Variants in PKNOX2 observed in about 807,000 individuals in gnomAD.
The protein encoded by PKNOX2 is PBX/knotted 1 homeobox 2.
Under a neutral mutation model 53.1 loss-of-function variants are expected in PKNOX2, and 14 were observed. The observed-to-expected ratio is 0.26, with a 90% CI of 0.17 to 0.41. The LOEUF (loss-of-function observed/expected upper bound fraction) is 0.41. Ranked by LOEUF, PKNOX2 falls within the 10% of genes least tolerant of loss-of-function variation. PKNOX2 has a pLI of 1.00. For missense variants in PKNOX2, 496 were observed against 602.8 expected (o/e 0.82, Z 1.85); for synonymous variants, 257 against 242.8 (o/e 1.06, Z -0.54).
At chr11:125,255,674 G>C (rs1429694197) in intron 2 of PKNOX2, among the ~76,000 whole-genome samples, 1 of 151,950 alleles carries the variant, frequency 6.6e-6, no homozygotes, top group Non-Finnish European at 1.5e-5. Context: ...CAAGTCACAT[G>C]CGGGGTGACG....
chr11:125,214,115 T>C (rs1245592175), intron 1 of PKNOX2, among the ~76,000 whole-genome samples: 10 of 152,068 alleles, frequency 6.6e-5, no homozygotes. Flanking sequence ...GTTAGCAAAT[T>C]GTATCATGGG....
At chr11:125,411,514 C>CCA (rs1565519936) in intron 9 of PKNOX2, 12 of 495,034 alleles carry the variant, frequency 2.4e-5, no homozygotes, top group Non-Finnish European at 7.5e-6. Context: ...CTCTCTCCCC[C>CCA]CCTTCCCCAT....
chr11:125,345,560 G>A (rs554503902), intron 3 of PKNOX2, among the ~76,000 whole-genome samples: 15 of 152,198 alleles, frequency 9.9e-5, no homozygotes, highest in East Asian at 1.9e-4. Context: ...GTGTGTGCTC[G>A]CGTGCACCCA....
At position 125,398,011 on chromosome 11, in the gene PKNOX2, T is replaced by C. The variant is rs1274198983; in HGVS notation, c.537T>C (p.Asp179=). The C allele has an allele frequency of 5.6e-6, 9 of 1,613,826 alleles. No homozygotes were observed. Among genetic ancestry groups the C allele is most frequent in the Non-Finnish European group, 7.6e-6 (9 of 1,179,918 alleles). Residue 179 remains aspartate, a synonymous_variant, in exon 7 of 13, where the codon GAT becomes GAC. Transcript: ENST00000298282. ...KMHSDNLLRN[D]LGGPYSPNQP... ...ACAGCGACAACCTGCTCAGGAATGA[T>C]CTAGGGGGGCCCTACTCCCCCAACC...
intron 2 of PKNOX2, among the ~76,000 whole-genome samples, chr11:125,300,093 G>A (rs973354358): frequency 2.0e-5 from 3 of 152,224 alleles, no homozygotes; most frequent in Non-Finnish European, 2.9e-5. Flanking sequence ...TCTGGCCTTC[G>A]GGGCCGTGTG....
At chr11:125,349,837 T>TCACA (rs60332384) in intron 3 of PKNOX2, among the ~76,000 whole-genome samples, 32,699 of 137,902 alleles carry the variant, frequency 0.24, 4,015 homozygotes, top group East Asian at 0.48. Context: ...ACCAAAAGAA[T>TCACA]CACACACACA....
intron 5 of PKNOX2, among the ~76,000 whole-genome samples, chr11:125,371,216 G>A (rs374096182): frequency 3.3e-5 from 5 of 152,244 alleles, no homozygotes; most frequent in African/African-American, 7.2e-5. Context: ...AGTCTAATCC[G>A]AGCAGATCCC....
intron 9 of PKNOX2, 39 bp from the exon 10 acceptor site, chr11:125,411,707 A>G (rs1413873486): frequency 6.2e-7 from 1 of 1,613,238 alleles, no homozygotes; most frequent in African/African-American, 1.3e-5. Context: ...CTGCCCTCAC[A>G]GGCTGCTGAT....
At chr11:125,397,504 A>T (rs1954480933) in intron 6 of PKNOX2, among the ~76,000 whole-genome samples, 1 of 152,230 alleles carries the variant, frequency 6.6e-6, no homozygotes, top group Non-Finnish European at 1.5e-5. Context: ...CCACTAAGGC[A>T]CAGAGAGCTT....
chr11:125,167,088 G>A (rs571365155), intron 1 of PKNOX2, among the ~76,000 whole-genome samples: 1 of 151,740 alleles, frequency 6.6e-6, no homozygotes, highest in South Asian at 2.1e-4. Context: ...TCCCACTCGG[G>A]CTGCATCCCC....
At chr11:125,276,483 G>T (rs1264559798) in intron 2 of PKNOX2, among the ~76,000 whole-genome samples, 3 of 152,176 alleles carry the variant, frequency 2.0e-5, no homozygotes, top group African/African-American at 2.4e-5. Flanking sequence ...CCCAGTGAAG[G>T]TATTGACCTT....
intron 2 of PKNOX2, among the ~76,000 whole-genome samples, chr11:125,305,901 G>C (rs994501120): frequency 1.3e-5 from 2 of 152,172 alleles, no homozygotes; most frequent in Admixed American, 6.5e-5. Flanking sequence ...ACCAAAGATC[G>C]TTATTTTTGA....
At chr11:125,239,800 C>T (rs964002218) in intron 2 of PKNOX2, 17 of 152,296 alleles carry the variant, frequency 1.1e-4, no homozygotes, top group African/African-American at 4.1e-4. Context: ...TGGCCCCAGC[C>T]TCCAGGTTCT....
chr11:125,248,409 T>C (rs1449279453), intron 2 of PKNOX2, among the ~76,000 whole-genome samples: 1 of 152,122 alleles, frequency 6.6e-6, no homozygotes, highest in African/African-American at 2.4e-5. Context: ...AGGCAAAGCC[T>C]CCAAAACAGA....
At chr11:125,341,190 T>C (rs1223813490) in intron 3 of PKNOX2, among the ~76,000 whole-genome samples, 1 of 151,388 alleles carries the variant, frequency 6.6e-6, no homozygotes, top group African/African-American at 2.4e-5. Flanking sequence ...AACCCCTCTT[T>C]ACTAAAAATA....
intron 3 of PKNOX2, among the ~76,000 whole-genome samples, chr11:125,348,078 A>G (rs1186058910): frequency 6.6e-6 from 1 of 152,144 alleles, no homozygotes; most frequent in African/African-American, 2.4e-5. Flanking sequence ...AAGAAAATGC[A>G]AAAAGGGCAG....
At chr11:125,203,276 A>T (rs1404615826) in intron 1 of PKNOX2, among the ~76,000 whole-genome samples, 1 of 152,104 alleles carries the variant, frequency 6.6e-6, no homozygotes, top group Non-Finnish European at 1.5e-5. Flanking sequence ...CTAATTTAAA[A>T]TTTTTTGGTA....
intron 1 of PKNOX2, among the ~76,000 whole-genome samples, chr11:125,232,510 G>A (rs1365829703): frequency 6.6e-6 from 1 of 152,186 alleles, no homozygotes; most frequent in African/African-American, 2.4e-5. Flanking sequence ...CCATGGTCAA[G>A]CCAGAATCGA....
chr11:125,281,994 C>T (rs1383787537), intron 2 of PKNOX2, among the ~76,000 whole-genome samples: 6 of 152,210 alleles, frequency 3.9e-5, no homozygotes, highest in Non-Finnish European at 8.8e-5. Flanking sequence ...CGGCTTATTT[C>T]CCTTTTAGGA....
Sources: gnomAD v4.1 joint callset for allele counts (sites outside exome capture counted in the v4.1 genomes callset) on GRCh38, gnomAD v4.1.1 for gene constraint, MANE v1.5 for transcripts, NCBI Gene and HGNC (gene_info 2026-07-23, HGNC 2026-07-21) for gene names.